Variants in CDKAL1 observed in about 807,000 individuals in gnomAD.
The protein encoded by CDKAL1 is threonylcarbamoyladenosine tRNA methylthiotransferase.
CDKAL1 carries 32 observed loss-of-function variants against 68.2 expected under a neutral mutation model. The observed-to-expected ratio is 0.47, with a 90% CI of 0.35 to 0.63. CDKAL1 has a LOEUF of 0.63. Among genes scored for constraint, CDKAL1 ranks in the 30% least tolerant of loss-of-function variants. The probability of loss-of-function intolerance (pLI) is 0.00; values close to 1 mark genes in which losing one functional copy is unlikely to be tolerated. For synonymous variants in CDKAL1, 234 were observed against 244.3 expected (o/e 0.96, Z 0.39); for missense variants, 606 against 696.7 (o/e 0.87, Z 1.47).
At chr6:20,722,589 G>T in intron 5 of CDKAL1, 1 of 251,216 alleles carries the variant, frequency 4.0e-6, no homozygotes. Flanking sequence ...GCAGGAGGCA[G>T]AGAAATTGTA....
At chr6:21,166,257 A>G (rs1777148036) in intron 13 of CDKAL1, among the ~76,000 whole-genome samples, 1 of 152,166 alleles carries the variant, frequency 6.6e-6, no homozygotes, top group African/African-American at 2.4e-5. Context: ...TTACCAGAAA[A>G]TGAGGTATGA....
chr6:20,878,872 G>C, intron 9 of CDKAL1, among the ~76,000 whole-genome samples: 1 of 146,740 alleles, frequency 6.8e-6, no homozygotes, highest in South Asian at 2.2e-4. Context: ...TGAGGTCAGG[G>C]GTTCAAGACC....
rs558045906 is a variant in CDKAL1 at position 20,967,978 on chromosome 6, T to A, written c.909+12393T>A. Among the ~76,000 whole-genome samples, 94 of 152,282 alleles carry A rather than the reference T, an allele frequency of 6.2e-4. 2 individuals carry two copies. The South Asian group carries it at 0.018, about 30-fold the overall frequency. Reference sequence around the variant, plus strand: ...TGGAGAAACCAAATGTTAATCTTACTGAGGATCCCTTATCTATAAGTTGCT... The same window carrying A: ...TGGAGAAACCAAATGTTAATCTTACAGAGGATCCCTTATCTATAAGTTGCT... On this transcript the variant is annotated intron_variant, in intron 10 of 15. Coordinates refer to ENST00000274695, the MANE Select transcript of CDKAL1 (RefSeq NM_017774.3).
chr6:20,703,814 T>C (rs1771480928), intron 5 of CDKAL1, among the ~76,000 whole-genome samples: 1 of 152,206 alleles, frequency 6.6e-6, no homozygotes, highest in Non-Finnish European at 1.5e-5. Flanking sequence ...TGATGTTATA[T>C]AATTAGTTTT....
chr6:20,618,598 A>G (rs1301702515), intron 4 of CDKAL1, among the ~76,000 whole-genome samples: 2 of 152,216 alleles, frequency 1.3e-5, no homozygotes, highest in Non-Finnish European at 2.9e-5. Flanking sequence ...ATTCTTGAGA[A>G]TAAGCGTGTC....
chr6:21,159,117 T>TA (rs10652396), intron 13 of CDKAL1, among the ~76,000 whole-genome samples: 4 of 149,668 alleles, frequency 2.7e-5, no homozygotes, highest in African/African-American at 7.4e-5. Flanking sequence ...TTTTTTTTTT[T>TA]AATTTTTTTA....
chr6:20,833,184 G>A (rs997238652), intron 8 of CDKAL1, among the ~76,000 whole-genome samples: 3 of 152,112 alleles, frequency 2.0e-5, no homozygotes, highest in Non-Finnish European at 4.4e-5. Flanking sequence ...GATTAGCCAC[G>A]CTCTATTCTA....
intron 6 of CDKAL1, among the ~76,000 whole-genome samples, chr6:20,744,586 G>A (rs1333320241): frequency 2.0e-5 from 3 of 152,160 alleles, no homozygotes; most frequent in Non-Finnish European, 2.9e-5. Flanking sequence ...CTAGACCACA[G>A]TGAGATCAAT....
chr6:21,011,253 G>A (rs559020222), intron 11 of CDKAL1, among the ~76,000 whole-genome samples: 4 of 151,160 alleles, frequency 2.6e-5, no homozygotes, highest in South Asian at 2.1e-4. Flanking sequence ...GCGCGGTGGC[G>A]GGCACCTGTA....
At chr6:21,203,932 G>T (rs1425332981) in intron 15 of CDKAL1, among the ~76,000 whole-genome samples, 1 of 152,106 alleles carries the variant, frequency 6.6e-6, no homozygotes, top group Non-Finnish European at 1.5e-5. Context: ...CAAAATGATG[G>T]TGGGAATGGG....
intron 12 of CDKAL1, among the ~76,000 whole-genome samples, chr6:21,070,793 C>T (rs565469947): frequency 6.6e-6 from 1 of 152,244 alleles, no homozygotes; most frequent in East Asian, 1.9e-4. Context: ...TTATCTGTTT[C>T]CTATTTCCTT....
At chr6:20,929,750 G>A (rs749215646) in intron 9 of CDKAL1, among the ~76,000 whole-genome samples, 2 of 152,060 alleles carry the variant, frequency 1.3e-5, no homozygotes, top group African/African-American at 2.4e-5. Context: ...CGGTCAAAGT[G>A]TGTTCTTCCC....
intron 4 of CDKAL1, among the ~76,000 whole-genome samples, chr6:20,556,955 G>A (rs927826243): frequency 4.0e-5 from 6 of 151,076 alleles, no homozygotes; most frequent in South Asian, 2.1e-4. Context: ...GGAGAATGGC[G>A]TGAACCTGGG....
chr6:20,625,329 T>G (rs1767378248), intron 4 of CDKAL1, among the ~76,000 whole-genome samples: 1 of 152,144 alleles, frequency 6.6e-6, no homozygotes, highest in South Asian at 2.1e-4. Flanking sequence ...TAGAGAAAAA[T>G]GTATTGGTGA....
chr6:20,678,958 C>G (rs1202234570), intron 5 of CDKAL1, among the ~76,000 whole-genome samples: 2 of 152,156 alleles, frequency 1.3e-5, no homozygotes, highest in Non-Finnish European at 2.9e-5. Flanking sequence ...AGTGCAGTGT[C>G]ATGAGGCATG....
rs539745086 is a variant in CDKAL1, at chr6:20,640,799, C to T, written c.287-8494C>T. Among the ~76,000 whole-genome samples the T allele has an allele frequency of 1.2e-4, 18 of 152,214 alleles. No individual in the cohort carries two copies. The South Asian group carries it at 3.5e-3, about 30-fold the overall frequency. ...TTGTAATCCCTGCCAACCCTCTCACCGTGTGATTCTAGGCAAGTTACTTTT... is the reference window on the plus strand; with the variant it reads ...TTGTAATCCCTGCCAACCCTCTCACTGTGTGATTCTAGGCAAGTTACTTTT... On this transcript the variant is annotated intron_variant, in intron 4 of 15. Coordinates refer to ENST00000274695, the MANE Select transcript of CDKAL1 (RefSeq NM_017774.3).
At chr6:21,062,473 G>T (rs2150928626) in intron 11 of CDKAL1, among the ~76,000 whole-genome samples, 2 of 152,208 alleles carry the variant, frequency 1.3e-5, no homozygotes, top group Admixed American at 1.3e-4. Flanking sequence ...TTTTTCAAAT[G>T]TAATTTTGAT....
chr6:21,070,138 G>C (rs1450546152), intron 12 of CDKAL1, among the ~76,000 whole-genome samples: 1 of 152,042 alleles, frequency 6.6e-6, no homozygotes, highest in East Asian at 1.9e-4. Context: ...TAATCTCTGG[G>C]ACTGTGAATT....
At chr6:21,144,832 T>C (rs1776087865) in intron 13 of CDKAL1, among the ~76,000 whole-genome samples, 2 of 151,406 alleles carry the variant, frequency 1.3e-5, no homozygotes, top group Admixed American at 1.3e-4. Context: ...AACAAACAAA[T>C]AAAAAAGATG....
Sources: gnomAD v4.1 joint callset for allele counts (sites outside exome capture counted in the v4.1 genomes callset) on GRCh38, gnomAD v4.1.1 for gene constraint, MANE v1.5 for transcripts, NCBI Gene and HGNC (gene_info 2026-07-23, HGNC 2026-07-21) for gene names.